SEC63: variants seen among roughly 807,000 people sequenced by gnomAD.
The protein encoded by SEC63 is SEC63 protein translocation regulator.
In SEC63, 56 loss-of-function variants were observed where a neutral mutation model predicts 116.2. The ratio of observed to expected loss-of-function variants is 0.48; its 90% CI spans 0.39 to 0.60. SEC63 has a LOEUF of 0.60. Among genes scored for constraint, SEC63 ranks in the 20% least tolerant of loss-of-function variants. SEC63 has a pLI of 0.00. For synonymous variants in SEC63, 273 were observed against 294.6 expected (o/e 0.93, Z 0.75); for missense variants, 668 against 900.0 (o/e 0.74, Z 3.30).
At chr6:107,900,127 C>T (rs1015462908) in intron 13 of SEC63, among the ~76,000 whole-genome samples, 3 of 151,932 alleles carry the variant, frequency 2.0e-5, no homozygotes, top group Non-Finnish European at 4.4e-5. Context: ...GTGTCATTCA[C>T]GTTAACACTT....
At position 107,953,824 on chromosome 6, in the gene SEC63, C is replaced by T. The variant is rs1770637733; in HGVS notation, c.124+4062G>A. On this transcript the variant is annotated intron_variant, in intron 1 of 20. Coordinates refer to ENST00000369002, the MANE Select transcript of SEC63 (RefSeq NM_007214.5). ...TGTGAGCCCCCCGCCCGGCCAGCCG[C>T]CCCGTCCGGGAGGGAGGTGGGGGGG... Among the ~76,000 whole-genome samples, 3 of 142,828 alleles carry T rather than the reference C, an allele frequency of 2.1e-5. No individual in the cohort carries two copies. In the South Asian group the frequency reaches 6.4e-4, roughly 31 times the overall value. The allele number at this position is 142,828 out of a possible 152,430, so 93.7% of individuals were successfully genotyped here. A position where few individuals can be genotyped will look rare whatever the true frequency, so the allele number is the denominator to read the frequency against.
chr6:107,915,141 TAACAAGCTTA>T lies in SEC63; in HGVS notation c.453-1724_453-1715del, dbSNP rs576778072. Among the ~76,000 whole-genome samples the T allele has an allele frequency of 1.4e-4, 22 of 152,322 alleles. No homozygotes were observed. The South Asian group carries it at 3.3e-3, about 23-fold the overall frequency. On this transcript the variant is annotated intron_variant, in intron 4 of 20. Transcript: ENST00000369002. ...GCGTAATTTTAGTATAATTCACATTTAACAAGCTTAAACAAGATCAATGATGCTAACAGAA... is the reference window on the plus strand; with the variant it reads ...GCGTAATTTTAGTATAATTCACATTTAACAAGATCAATGATGCTAACAGAA...
chr6:107,890,318 T>C (rs190663985), intron 16 of SEC63, among the ~76,000 whole-genome samples: 2 of 152,346 alleles, frequency 1.3e-5, no homozygotes, highest in African/African-American at 2.4e-5. Context: ...TTTACCATTA[T>C]GTAATGCCCT....
intron 1 of SEC63, among the ~76,000 whole-genome samples, chr6:107,941,044 T>TGCTA (rs1281371146): frequency 6.6e-6 from 1 of 152,026 alleles, no homozygotes; most frequent in African/African-American, 2.4e-5. Context: ...AGTAAATAAA[T>TGCTA]GCTAGCTAAG....
Position 107,871,625 on chromosome 6 carries a change from T to C in SEC63, c.*79A>G. The C allele has an allele frequency of 2.2e-6, 3 of 1,385,122 alleles. No homozygotes were observed. The Admixed American group carries it at 5.0e-5, about 23-fold the overall frequency. 85.8% of individuals were successfully genotyped at this position (1,385,122 alleles called of 1,614,324 possible). A position where few individuals can be genotyped will look rare whatever the true frequency, so the allele number is the denominator to read the frequency against. On this transcript the variant is annotated 3_prime_UTR_variant, in exon 21 of 21. Transcript: ENST00000369002. ...CTCCCTCAACATCAGTTCTGTACTG[T>C]TTCTGGTTTATGATACACTTCCAAA...
At chr6:107,949,755 G>C (rs1254578312) in intron 1 of SEC63, among the ~76,000 whole-genome samples, 4 of 152,036 alleles carry the variant, frequency 2.6e-5, no homozygotes, top group South Asian at 2.1e-4. Flanking sequence ...TCAGCCTCCT[G>C]AGTAGCTAGG....
At chr6:107,904,875 T>A (rs1321022842) in intron 10 of SEC63, among the ~76,000 whole-genome samples, 154 bp from the exon 11 acceptor site, 1 of 152,212 alleles carries the variant, frequency 6.6e-6, no homozygotes, top group Non-Finnish European at 1.5e-5. Context: ...TTCTCCTCAG[T>A]ATCACTATGT....
At chr6:107,947,764 TTC>T (rs899770900) in intron 1 of SEC63, among the ~76,000 whole-genome samples, 2 of 152,082 alleles carry the variant, frequency 1.3e-5, no homozygotes, top group Non-Finnish European at 1.5e-5. Context: ...TTTCTTAGAA[TTC>T]TCTTTCTAAT....
intron 14 of SEC63, among the ~76,000 whole-genome samples, chr6:107,896,298 T>C (rs1313226724): frequency 2.0e-5 from 3 of 152,048 alleles, no homozygotes; most frequent in Non-Finnish European, 1.5e-5. Flanking sequence ...ACCCCATCTC[T>C]ACTAAAAATA....
At chr6:107,948,234 A>G (rs1430463431) in intron 1 of SEC63, among the ~76,000 whole-genome samples, 1 of 152,170 alleles carries the variant, frequency 6.6e-6, no homozygotes, top group Non-Finnish European at 1.5e-5. Flanking sequence ...GTAATGTGTT[A>G]TATTTACTTA....
intron 18 of SEC63, among the ~76,000 whole-genome samples, chr6:107,877,928 T>A (rs1161854797): frequency 6.6e-6 from 1 of 152,100 alleles, no homozygotes; most frequent in African/African-American, 2.4e-5. Flanking sequence ...GTGACATGAG[T>A]GGCACTTAAC....
At chr6:107,888,870 C>A (rs1786604536) in intron 16 of SEC63, among the ~76,000 whole-genome samples, 1 of 152,158 alleles carries the variant, frequency 6.6e-6, no homozygotes, top group South Asian at 2.1e-4. Flanking sequence ...GTCATTGGTT[C>A]TGTTTATGTG....
chr6:107,878,389 T>C (rs1198841203), intron 18 of SEC63, among the ~76,000 whole-genome samples: 1 of 152,204 alleles, frequency 6.6e-6, no homozygotes, highest in Non-Finnish European at 1.5e-5. Flanking sequence ...AGGTACAATA[T>C]CACCTCTTTT....
At chr6:107,944,601 G>A (rs1007930417) in intron 1 of SEC63, among the ~76,000 whole-genome samples, 3 of 152,120 alleles carry the variant, frequency 2.0e-5, no homozygotes, top group African/African-American at 7.2e-5. Context: ...GGAGGCTGAG[G>A]CAGGAGAATC....
At position 107,868,703 on chromosome 6, in the gene SEC63, C is replaced by T. The variant is rs2114379336; in HGVS notation, c.*3001G>A. 6.6e-6 allele frequency: 1 copy of T among 151,854 alleles called. No individual in the cohort carries two copies. Among genetic ancestry groups the T allele is most frequent in the South Asian group, 2.1e-4 (1 of 4,814 alleles). 9.4% of individuals were successfully genotyped at this position (151,854 alleles called of 1,614,324 possible). A position where few individuals can be genotyped will look rare whatever the true frequency, so the allele number is the denominator to read the frequency against. On this transcript the variant is annotated 3_prime_UTR_variant, in exon 21 of 21. Coordinates refer to ENST00000369002, the MANE Select transcript of SEC63 (RefSeq NM_007214.5). ...AAAAAAAAGGCATTCCAAATAATAG[C>T]CAAGGCAAATGGATTTAAATGGATT... is the stretch of plus-strand genomic sequence containing the variant.
intron 10 of SEC63, 23 bp downstream of exon 10, chr6:107,906,425 G>T: frequency 1.2e-6 from 2 of 1,613,158 alleles, no homozygotes; most frequent in African/African-American, 2.7e-5. Context: ...CTAAACCTCT[G>T]TAGATACCGG....
At chr6:107,890,710 T>C (rs906420347) in intron 16 of SEC63, among the ~76,000 whole-genome samples, 1 of 152,212 alleles carries the variant, frequency 6.6e-6, no homozygotes, top group Admixed American at 6.5e-5. Flanking sequence ...CTGGTACTGG[T>C]TGTTCCTTTC....
chr6:107,895,135 ATTCTT>A (rs879712215), intron 14 of SEC63, among the ~76,000 whole-genome samples: 1 of 152,182 alleles, frequency 6.6e-6, no homozygotes, highest in Non-Finnish European at 1.5e-5. Context: ...GATAAAAACA[ATTCTT>A]TTCTTTACTC....
At chr6:107,929,228 T>TC (rs1288757551) in intron 2 of SEC63, among the ~76,000 whole-genome samples, 187 bp downstream of exon 2, 1 of 152,154 alleles carries the variant, frequency 6.6e-6, no homozygotes, top group Admixed American at 6.5e-5. Context: ...AACAGTATAC[T>TC]CCCCTTCCTT....
Sources: gnomAD v4.1 joint callset for allele counts (sites outside exome capture counted in the v4.1 genomes callset) on GRCh38, gnomAD v4.1.1 for gene constraint, MANE v1.5 for transcripts, NCBI Gene and HGNC (gene_info 2026-07-23, HGNC 2026-07-21) for gene names.